Variants in PCDHGB1 observed in about 807,000 individuals in gnomAD.
PCDHGB1 encodes protocadherin gamma-B1.
A neutral mutation model predicts 56.6 loss-of-function variants in PCDHGB1; 34 were observed. The ratio of observed to expected loss-of-function variants is 0.60; its 90% CI spans 0.46 to 0.80. The LOEUF (loss-of-function observed/expected upper bound fraction) is 0.80. Ranked by LOEUF, PCDHGB1 falls within the 30% of genes least tolerant of loss-of-function variation. The pLI is 0.00. For missense variants in PCDHGB1, 1,278 were observed against 1,204.6 expected, an observed-to-expected ratio of 1.06 and a Z score of -0.90; for synonymous variants, 561 against 505.9, an observed-to-expected ratio of 1.11 and a Z score of -1.46.
At chr5:141,473,228 A>T (rs549587219) in intron 1 of PCDHGB1, among the ~76,000 whole-genome samples, 1 of 152,296 alleles carries the variant, frequency 6.6e-6, no homozygotes, top group African/African-American at 2.4e-5. Context: ...GGGAGATTGG[A>T]TCCACACAAG....
intron 1 of PCDHGB1, chr5:141,393,454 C>A: frequency 1.2e-6 from 2 of 1,614,046 alleles, no homozygotes; most frequent in South Asian, 1.1e-5. Context: ...GTCCTCACGG[C>A]CTCGGATGGC....
rs1031996605 is a variant in PCDHGB1, at chr5:141,487,055, G to C, written c.2410-7752G>C. ...TGCAGTCTCTCGATATGCTGGGGAG[G>C]TGCGGACGGCTGTTCCTATCCCAGC... is the stretch of plus-strand genomic sequence containing the variant. On this transcript the variant is annotated intron_variant, in intron 1 of 3. Transcript: ENST00000523390. The surrounding 1 kb of genome is among the most constrained non-coding windows in gnomAD (Gnocchi z 5.0). The C allele has an allele frequency of 6.2e-7, 1 of 1,614,186 alleles. No individual in the cohort carries two copies. The highest frequency in any genetic ancestry group is 8.5e-7 in the Non-Finnish European group (1 of 1,180,038).
chr5:141,413,570 A>G, intron 1 of PCDHGB1: 1 of 1,613,930 alleles, frequency 6.2e-7, no homozygotes, highest in Non-Finnish European at 8.5e-7. Context: ...GATATCAATG[A>G]CAATGCTCCA....
intron 1 of PCDHGB1, chr5:141,362,321 C>G (rs1762436189): frequency 1.2e-6 from 2 of 1,614,078 alleles, no homozygotes; most frequent in Non-Finnish European, 1.7e-6. Context: ...TGTTTTCAGC[C>G]TGGTCTCAGC....
In PCDHGB1 at chr5:141,512,394, C is replaced by A. The variant is rs750967336; in HGVS notation, c.*1221C>A. 1 of 152,706 alleles carries A rather than the reference C, an allele frequency of 6.5e-6. No homozygotes were observed. The highest frequency in any genetic ancestry group is 1.5e-5 in the Non-Finnish European group (1 of 68,084). The allele number at this position is 152,706 out of a possible 1,614,324, so 9.5% of individuals were successfully genotyped here. ...GACCAAATGAACAGAAAGTCTCAGC[C>A]CAGGATGGGGCTTCTTCAACAGGGC... is the stretch of plus-strand genomic sequence containing the variant. On this transcript the variant is annotated 3_prime_UTR_variant, in exon 4 of 4. Transcript: ENST00000523390.
chr5:141,399,735 T>A (rs909521642), intron 1 of PCDHGB1: 1 of 1,613,198 alleles, frequency 6.2e-7, no homozygotes, highest in African/African-American at 1.3e-5. Flanking sequence ...AGGGCTCGCC[T>A]GCGCTCAGCG....
At position 141,382,899 on chromosome 5, in the gene PCDHGB1, T is replaced by C. The variant is rs148952660; in HGVS notation, c.2409+30230T>C. On this transcript the variant is annotated intron_variant, in intron 1 of 3. Transcript: ENST00000523390. ...GCCTAAGCAAGAGAAGCAGGACGAC[T>C]ATGGCGGCTCAGCCGAGGGGCGGGG... 463 of 1,541,826 alleles carry C rather than the reference T, an allele frequency of 3.0e-4. 2 individuals carry two copies. In the African/African-American group the frequency reaches 5.3e-3, roughly 18 times the overall value.
chr5:141,370,392 G>A (rs773955179), intron 1 of PCDHGB1: 5 of 1,544,672 alleles, frequency 3.2e-6, no homozygotes, highest in Non-Finnish European at 4.4e-6. Context: ...CGCAGAGAGC[G>A]GGATGGGAAA....
chr5:141,389,871 G>C (rs199638280), intron 1 of PCDHGB1: 297 of 1,614,056 alleles, frequency 1.8e-4, no homozygotes, highest in Non-Finnish European at 2.3e-4. Context: ...CCTGGTCTTC[G>C]CCGACAGCTT....
intron 1 of PCDHGB1, chr5:141,398,897 C>G (rs761364649): frequency 2.1e-5 from 34 of 1,613,932 alleles, no homozygotes; most frequent in Non-Finnish European, 2.8e-5. Context: ...AACGTGCCAC[C>G]AGGCACCACT....
rs374181150 is a variant in PCDHGB1, at chr5:141,477,134, G to C, written c.2410-17673G>C. The C allele has an allele frequency of 2.5e-5, 41 of 1,614,092 alleles. No homozygotes were observed. Among genetic ancestry groups the C allele is most frequent in the Non-Finnish European group, 3.4e-5 (40 of 1,180,056 alleles). ...CGAAGGAGCACATTGCAAAGTGTTG[G>C]TGGAGGTTGTGGATGTGAATGACAA... is the stretch of plus-strand genomic sequence containing the variant. On this transcript the variant is annotated intron_variant, in intron 1 of 3. Coordinates refer to ENST00000523390, the MANE Select transcript of PCDHGB1 (RefSeq NM_018922.3). The surrounding 1 kb of genome is among the most constrained non-coding windows in gnomAD (Gnocchi z 4.9).
chr5:141,374,221 C>A, intron 1 of PCDHGB1: 1 of 1,613,996 alleles, frequency 6.2e-7, no homozygotes, highest in Non-Finnish European at 8.5e-7. Flanking sequence ...CCTTCGTAGG[C>A]AACATCGTCA....
At chr5:141,418,742 G>GA in intron 1 of PCDHGB1, 1 of 1,613,896 alleles carries the variant, frequency 6.2e-7, no homozygotes, top group Non-Finnish European at 8.5e-7. Flanking sequence ...GTTCTCTCTG[G>GA]ATTACACTAC....
chr5:141,486,987 G>C lies in PCDHGB1; in HGVS notation c.2410-7820G>C, dbSNP rs1327158531. ...GACTTGGATTCAGGTTACAATGCTTGGGTTTCCTATCAGCTCCTGGAGGCC... is the reference window on the plus strand; with the variant it reads ...GACTTGGATTCAGGTTACAATGCTTCGGTTTCCTATCAGCTCCTGGAGGCC... On this transcript the variant is annotated intron_variant, in intron 1 of 3. Transcript: ENST00000523390. The surrounding 1 kb of genome is among the most constrained non-coding windows in gnomAD (Gnocchi z 5.0). The C allele has an allele frequency of 6.2e-7, 1 of 1,614,144 alleles. No homozygotes were observed. Among genetic ancestry groups the C allele is most frequent in the Admixed American group, 1.7e-5 (1 of 60,020 alleles).
In PCDHGB1 at chr5:141,372,665, C is replaced by T. The variant is rs570619495; in HGVS notation, c.2409+19996C>T. 2.5e-6 allele frequency: 4 copies of T among 1,613,990 alleles called. No homozygotes were observed. In the African/African-American group the frequency reaches 4.0e-5, roughly 16 times the overall value. ...CTTATTCCTACAATCCGTGTGCTGC[C>T]TCACATTCCTCAAACACCGAGTTTA... On this transcript the variant is annotated intron_variant, in intron 1 of 3. Transcript: ENST00000523390.
At chr5:141,478,396 G>GT in intron 1 of PCDHGB1, 1 of 1,613,564 alleles carries the variant, frequency 6.2e-7, no homozygotes, top group Non-Finnish European at 8.5e-7. Flanking sequence ...ACCATCAGGT[G>GT]TATCTCACCA....
chr5:141,350,824 T>C lies in PCDHGB1; in HGVS notation c.564T>C (p.Tyr188=). The change falls in exon 1 of 4, where the codon TAT becomes TAC. Residue 188 remains tyrosine, a synonymous_variant. Transcript: ENST00000523390. The stretch of plus-strand genomic sequence containing the variant: ...AGGAAAGTCCTGATGGAAGTAAATA[T>C]CCGGTATTACTGCTGGAAAAACCTC... ...STKESPDGSK[Y]PVLLLEKPLD... is the part of the protein sequence containing the mutation. The C allele has an allele frequency of 6.2e-7, 1 of 1,614,004 alleles. No individual in the cohort carries two copies. The highest frequency in any genetic ancestry group is 1.1e-5 in the South Asian group (1 of 91,088).
Position 141,434,824 on chromosome 5 carries a change from A to C in PCDHGB1, c.2410-59983A>C, listed in dbSNP as rs143305842. ...CTTGGAGAAATATATCCCTTAGTACACTTGGCATTTATAAAGCAGACATCA... is the reference window on the plus strand; with the variant it reads ...CTTGGAGAAATATATCCCTTAGTACCCTTGGCATTTATAAAGCAGACATCA... On this transcript the variant is annotated intron_variant, in intron 1 of 3. Coordinates refer to ENST00000523390, the MANE Select transcript of PCDHGB1 (RefSeq NM_018922.3). 7.9e-4 allele frequency among the ~76,000 whole-genome samples: 120 copies of C among 152,004 alleles called. 2 individuals are homozygous for C. The highest frequency in any genetic ancestry group is 2.8e-3 in the African/African-American group (115 of 41,454).
intron 1 of PCDHGB1, chr5:141,383,737 T>TC: frequency 6.2e-7 from 1 of 1,613,998 alleles, no homozygotes; most frequent in Non-Finnish European, 8.5e-7. Flanking sequence ...AGTGACATAT[T>TC]CTTTTCGGAA....
Sources: gnomAD v4.1 joint callset for allele counts (sites outside exome capture counted in the v4.1 genomes callset) on GRCh38, gnomAD v4.1.1 for gene constraint, Gnocchi (gnomAD v3.1) non-coding constraint, MANE v1.5 for transcripts, NCBI Gene and HGNC (gene_info 2026-07-23, HGNC 2026-07-21) for gene names.